CHD7: variants seen among roughly 807,000 people sequenced by gnomAD.
The protein encoded by CHD7 is chromodomain helicase DNA binding protein 7.
CHD7 carries 24 observed loss-of-function variants against 307.3 expected under a neutral mutation model. The ratio of observed to expected loss-of-function variants is 0.08; its 90% CI spans 0.06 to 0.11. The LOEUF is 0.11. CHD7 is among the 10% of genes least tolerant of loss of function. The pLI, the probability that CHD7 is intolerant of heterozygous loss-of-function variation, is 1.00. For missense variants in CHD7, 3,106 were observed against 3,727.1 expected (o/e 0.83, Z 4.34); for synonymous variants, 1,363 against 1,349.9 (o/e 1.01, Z -0.21).
At chr8:60,823,217 A>T (rs1804122266) in intron 12 of CHD7, among the ~76,000 whole-genome samples, 1 of 152,176 alleles carries the variant, frequency 6.6e-6, no homozygotes, top group Non-Finnish European at 1.5e-5. Context: ...GTTAGTAGCA[A>T]TTGCTTTAAT....
At chr8:60,779,555 A>G (rs1449753121) in intron 2 of CHD7, among the ~76,000 whole-genome samples, 1 of 152,224 alleles carries the variant, frequency 6.6e-6, no homozygotes, top group Non-Finnish European at 1.5e-5. Context: ...ACATCTAGCA[A>G]ACATAACCTA....
intron 21 of CHD7, among the ~76,000 whole-genome samples, chr8:60,843,962 C>T (rs1805083595): frequency 6.6e-6 from 1 of 152,188 alleles, no homozygotes; most frequent in Admixed American, 6.5e-5. Flanking sequence ...GAGGCAGGGC[C>T]TGAGGGAGGA....
rs187267556 is a variant in CHD7, at chr8:60,816,918, G to A, written c.2613+417G>A. 3.3e-5 allele frequency among the ~76,000 whole-genome samples: 5 copies of A among 152,340 alleles called. No homozygotes were observed. The South Asian group carries it at 6.2e-4, about 19-fold the overall frequency. ...GCAAATTTCTTTTGTTGAAGTCAAT[G>A]CCTAATTACAGAGAGTTCACTAAAC... On this transcript the variant is annotated intron_variant, in intron 8 of 37. Coordinates refer to ENST00000423902, the MANE Select transcript of CHD7 (RefSeq NM_017780.4).
Position 60,721,418 on chromosome 8 carries a change from C to G in CHD7, c.-174-19841C>G, listed in dbSNP as rs115283903. ...AATCCTGCCTTGCCAGCACCTTCGT[C>G]TTGGACTTCCAGTCTCCAGAACTGT... On this transcript the variant is annotated intron_variant, in intron 1 of 37. Coordinates refer to ENST00000423902, the MANE Select transcript of CHD7 (RefSeq NM_017780.4). Among the ~76,000 whole-genome samples, 532 of 152,322 alleles carry G rather than the reference C, an allele frequency of 3.5e-3. 5 individuals are homozygous for G. Among genetic ancestry groups the G allele is most frequent in the African/African-American group, 0.012 (489 of 41,562 alleles).
chr8:60,825,340 A>G (rs1389397628), intron 13 of CHD7: 1 of 152,258 alleles, frequency 6.6e-6, no homozygotes, highest in Non-Finnish European at 1.5e-5. Flanking sequence ...TGACTGAATT[A>G]TCCTATTTAG....
intron 1 of CHD7, among the ~76,000 whole-genome samples, chr8:60,683,540 TAA>T (rs1234681167): frequency 6.6e-6 from 1 of 152,252 alleles, no homozygotes; most frequent in Admixed American, 6.5e-5. Flanking sequence ...TGTTGTCAAA[TAA>T]AAATTCATTT....
rs1439718644 is a variant in CHD7 at position 60,862,783 on chromosome 8, TTTTCATACATCA to T, written c.8076+146_8076+157del. On this transcript the variant is annotated intron_variant, in intron 37 of 37. Coordinates refer to ENST00000423902, the MANE Select transcript of CHD7 (RefSeq NM_017780.4). ...TTAAAAGAATTGACATAATACATCA[TTTTCATACATCA>T]TTTCATACATCATTAATACATCATT... 17 of 590,434 alleles carry T rather than the reference TTTTCATACATCA, an allele frequency of 2.9e-5. No individual in the cohort carries two copies. The East Asian group carries it at 3.1e-4, about 11-fold the overall frequency. The allele number at this position is 590,434 out of a possible 1,614,324, so 36.6% of individuals were successfully genotyped here.
At chr8:60,852,426 A>G (rs1586444275) in intron 29 of CHD7, 72 bp from the exon 30 acceptor site, 1 of 1,431,702 alleles carries the variant, frequency 7.0e-7, no homozygotes, top group South Asian at 1.3e-5. Flanking sequence ...TCTGGGGGGA[A>G]GAAGAAAAGA....
intron 6 of CHD7, among the ~76,000 whole-genome samples, chr8:60,806,221 G>A (rs540141403): frequency 7.9e-5 from 12 of 152,194 alleles, no homozygotes; most frequent in South Asian, 2.1e-4. Context: ...AAAATTAGCC[G>A]GGCATGGTGG....
intron 3 of CHD7, among the ~76,000 whole-genome samples, chr8:60,789,343 C>T (rs997304907): frequency 5.9e-5 from 9 of 152,206 alleles, no homozygotes; most frequent in African/African-American, 2.2e-4. Flanking sequence ...TGCTTTAATA[C>T]CTTTCAGTCT....
chr8:60,855,841 G>A (rs1304185273), intron 32 of CHD7, 134 bp from the exon 33 acceptor site: 5 of 634,384 alleles, frequency 7.9e-6, no homozygotes, highest in Non-Finnish European at 1.1e-5. Flanking sequence ...TTCTTGCCTT[G>A]TTTTCTTTTA....
intron 1 of CHD7, among the ~76,000 whole-genome samples, chr8:60,706,971 C>T (rs1807053530): frequency 6.6e-6 from 1 of 152,080 alleles, no homozygotes; most frequent in East Asian, 1.9e-4. Flanking sequence ...CCTCCCTGCT[C>T]CCCCCACCCC....
At chr8:60,698,725 G>C (rs1806614713) in intron 1 of CHD7, among the ~76,000 whole-genome samples, 1 of 152,200 alleles carries the variant, frequency 6.6e-6, no homozygotes, top group Non-Finnish European at 1.5e-5. Flanking sequence ...AATGAGCAGT[G>C]TAAAGATTTG....
chr8:60,867,279 C>T lies in CHD7; in HGVS notation c.*1346C>T, dbSNP rs577640263. The T allele has an allele frequency of 6.6e-6, 1 of 152,266 alleles. No homozygotes were observed. The highest frequency in any genetic ancestry group is 1.9e-4 in the East Asian group (1 of 5,182). The allele number at this position is 152,266 out of a possible 1,614,324, so 9.4% of individuals were successfully genotyped here. A position where few individuals can be genotyped will look rare whatever the true frequency, so the allele number is the denominator to read the frequency against. On this transcript the variant is annotated 3_prime_UTR_variant, in exon 38 of 38. Transcript: ENST00000423902. ...AGGCACAATATCTAGGTCATTTATC[C>T]TTGGTTAATGGGTAGAAAAACACAA...
rs1159267015 is a variant in CHD7 at position 60,853,337 on chromosome 8, G to A, written c.6612G>A (p.Lys2204=). 3.8e-6 allele frequency: 6 copies of A among 1,592,516 alleles called. No individual in the cohort carries two copies. Among genetic ancestry groups the A allele is most frequent in the Non-Finnish European group, 5.1e-6 (6 of 1,169,118 alleles). The stretch of plus-strand genomic sequence containing the variant: ...CCGATGGCAGCGGGAAGGAGAGCAA[G>A]CAGGAATGTGAGGCAGAGGCCAGCT... The part of the protein sequence containing the change: ...EETDGSGKES[K]QECEAEASSV... The change falls in exon 31 of 38, where the codon AAG becomes AAA. Residue 2204 remains lysine, a synonymous_variant. Coordinates refer to ENST00000423902, the MANE Select transcript of CHD7 (RefSeq NM_017780.4).
At chr8:60,811,717 C>G (rs766258127) in intron 7 of CHD7, among the ~76,000 whole-genome samples, 1 of 152,042 alleles carries the variant, frequency 6.6e-6, no homozygotes, top group African/African-American at 2.4e-5. Context: ...TTACTAGATA[C>G]AAAAGGCAAA....
At chr8:60,858,650 C>G (rs1433413583) in intron 34 of CHD7, among the ~76,000 whole-genome samples, 6 of 152,228 alleles carry the variant, frequency 3.9e-5, no homozygotes, top group Non-Finnish European at 7.3e-5. Context: ...CTCTTTCGCC[C>G]AGGCTGGAGC....
At chr8:60,790,032 T>A (rs1811694721) in intron 3 of CHD7, among the ~76,000 whole-genome samples, 1 of 152,234 alleles carries the variant, frequency 6.6e-6, no homozygotes, top group Non-Finnish European at 1.5e-5. Context: ...CCCACCAGTG[T>A]AACCCAATTC....
At chr8:60,714,688 C>T (rs1807490144) in intron 1 of CHD7, among the ~76,000 whole-genome samples, 1 of 152,152 alleles carries the variant, frequency 6.6e-6, no homozygotes, top group Non-Finnish European at 1.5e-5. Flanking sequence ...GCCACCTGCC[C>T]TCCCTCATGG....
Sources: gnomAD v4.1 joint callset for allele counts (sites outside exome capture counted in the v4.1 genomes callset) on GRCh38, gnomAD v4.1.1 for gene constraint, MANE v1.5 for transcripts, NCBI Gene and HGNC (gene_info 2026-07-23, HGNC 2026-07-21) for gene names.